LRP1B: variants seen among roughly 807,000 people sequenced by gnomAD.
LRP1B encodes LDL receptor related protein 1B, also known as low-density lipoprotein receptor-related protein 1B.
In LRP1B, 217 loss-of-function variants were observed where a neutral mutation model predicts 556.6. The observed-to-expected ratio is 0.39, with a 90% CI of 0.35 to 0.44. LRP1B has a LOEUF of 0.44. LRP1B is among the 20% of genes least tolerant of loss of function. The pLI is 1.00. For missense variants in LRP1B, 5,053 were observed against 5,620.8 expected (o/e 0.90, Z 3.23); for synonymous variants, 2,047 against 1,865.8 (o/e 1.10, Z -2.50).
intron 6 of LRP1B, among the ~76,000 whole-genome samples, chr2:141,206,098 T>A (rs1004304543): frequency 6.6e-6 from 1 of 150,964 alleles, no homozygotes; most frequent in South Asian, 2.1e-4. Flanking sequence ...ATGACATAAC[T>A]GTGAATAAAA....
chr2:141,115,022 G>A (rs573966263), intron 7 of LRP1B, among the ~76,000 whole-genome samples: 4 of 152,044 alleles, frequency 2.6e-5, no homozygotes, highest in African/African-American at 7.2e-5. Context: ...CAAACATGAC[G>A]GAAAGTAAAA....
At chr2:140,839,908 T>G in intron 31 of LRP1B, 83 bp downstream of exon 31, 1 of 814,268 alleles carries the variant, frequency 1.2e-6, no homozygotes, top group Non-Finnish European at 2.0e-6. Flanking sequence ...AATATTTTCT[T>G]TCAGGATCTA....
intron 61 of LRP1B, among the ~76,000 whole-genome samples, chr2:140,457,064 G>T (rs1417769821): frequency 1.3e-5 from 2 of 152,062 alleles, no homozygotes; most frequent in African/African-American, 2.4e-5. Flanking sequence ...TTAAACATAT[G>T]CTGAAGAAAA....
chr2:141,038,158 G>C (rs538106893), intron 11 of LRP1B, among the ~76,000 whole-genome samples: 1 of 151,782 alleles, frequency 6.6e-6, no homozygotes, highest in East Asian at 1.9e-4. Flanking sequence ...AATCTAGCAA[G>C]CTGGGAGGGG....
intron 43 of LRP1B, among the ~76,000 whole-genome samples, chr2:140,592,004 C>T (rs1353726198): frequency 6.6e-6 from 1 of 152,164 alleles, no homozygotes; most frequent in Non-Finnish European, 1.5e-5. Context: ...ACAGCTGTCA[C>T]ATTCATGATG....
intron 1 of LRP1B, among the ~76,000 whole-genome samples, chr2:142,029,169 A>C (rs2105191724): frequency 6.6e-6 from 1 of 151,956 alleles, no homozygotes; most frequent in South Asian, 2.1e-4. Context: ...AGGCCCTATA[A>C]CCCAGAGTTT....
At chr2:141,484,428 A>G (rs1434645031) in intron 2 of LRP1B, among the ~76,000 whole-genome samples, 11 of 151,228 alleles carry the variant, frequency 7.3e-5, no homozygotes, top group Non-Finnish European at 1.5e-4. Flanking sequence ...TTGGCTTAGG[A>G]TTGACTTGGT....
chr2:141,966,244 G>A (rs1701563527), intron 1 of LRP1B, among the ~76,000 whole-genome samples: 1 of 151,918 alleles, frequency 6.6e-6, no homozygotes, highest in South Asian at 2.1e-4. Context: ...GGAAACTAGA[G>A]AGTCGTTTTC....
intron 2 of LRP1B, among the ~76,000 whole-genome samples, chr2:141,760,154 T>C (rs897398916): frequency 6.6e-6 from 1 of 152,144 alleles, no homozygotes; most frequent in Non-Finnish European, 1.5e-5. Context: ...CATGTGTTAA[T>C]GCAAAAATAC....
chr2:141,548,714 A>G (rs1685640256), intron 2 of LRP1B, among the ~76,000 whole-genome samples: 1 of 152,164 alleles, frequency 6.6e-6, no homozygotes, highest in African/African-American at 2.4e-5. Flanking sequence ...TTTAGGCACC[A>G]GCAAAGAGCC....
At chr2:140,363,634 C>A (rs1682618602) in intron 72 of LRP1B, among the ~76,000 whole-genome samples, 1 of 151,420 alleles carries the variant, frequency 6.6e-6, no homozygotes, top group African/African-American at 2.4e-5. Flanking sequence ...AACTTAGTTG[C>A]ATTACTCATC....
intron 35 of LRP1B, among the ~76,000 whole-genome samples, chr2:140,721,101 T>A (rs1350663143): frequency 2.6e-5 from 4 of 152,184 alleles, no homozygotes; most frequent in Non-Finnish European, 1.5e-5. Context: ...AGGCAGAATT[T>A]AGATAACCTT....
chr2:140,614,876 G>A (rs903921983), intron 41 of LRP1B, among the ~76,000 whole-genome samples: 24 of 152,164 alleles, frequency 1.6e-4, no homozygotes, highest in African/African-American at 5.5e-4. Context: ...ATGACAGTGA[G>A]AGAAATCCAA....
chr2:140,360,112 A>G (rs748882647), intron 72 of LRP1B, among the ~76,000 whole-genome samples: 2 of 151,690 alleles, frequency 1.3e-5, no homozygotes, highest in Non-Finnish European at 3.0e-5. Context: ...AAATCAGTTT[A>G]ACATATTCAT....
intron 2 of LRP1B, among the ~76,000 whole-genome samples, chr2:141,590,838 C>G (rs931846701): frequency 6.6e-6 from 1 of 152,160 alleles, no homozygotes; most frequent in African/African-American, 2.4e-5. Flanking sequence ...ACTCATCAGT[C>G]CCAATTCACC....
intron 2 of LRP1B, among the ~76,000 whole-genome samples, chr2:141,697,401 A>G (rs2105455697): frequency 6.6e-6 from 1 of 151,856 alleles, no homozygotes; most frequent in Middle Eastern, 3.4e-3. Context: ...AATCTCATTT[A>G]CTCTCCTTGT....
intron 32 of LRP1B, among the ~76,000 whole-genome samples, chr2:140,794,536 T>C (rs948930944): frequency 2.7e-5 from 4 of 150,834 alleles, no homozygotes; most frequent in Admixed American, 2.0e-4. Context: ...AAGGGAGCTG[T>C]CCAGATGAAT....
At chr2:140,997,783 A>G (rs1009657232) in intron 15 of LRP1B, among the ~76,000 whole-genome samples, 12 of 152,010 alleles carry the variant, frequency 7.9e-5, no homozygotes, top group Non-Finnish European at 1.5e-4. Flanking sequence ...AAAAGAAAAC[A>G]TGAAGTTGTG....
chr2:142,065,903 G>A (rs1705091347), intron 1 of LRP1B, among the ~76,000 whole-genome samples: 1 of 151,340 alleles, frequency 6.6e-6, no homozygotes, highest in South Asian at 2.1e-4. Context: ...ACAAGTGAGA[G>A]TCTCGGTATG....
Sources: gnomAD v4.1 joint callset for allele counts (sites outside exome capture counted in the v4.1 genomes callset) on GRCh38, gnomAD v4.1.1 for gene constraint, MANE v1.5 for transcripts, NCBI Gene and HGNC (gene_info 2026-07-23, HGNC 2026-07-21) for gene names.